The following ABR variants were observed in gnomAD, a reference collection of about 807,000 sequenced individuals.
The protein encoded by ABR is ABR activator of RhoGEF and GTPase, also known as active breakpoint cluster region-related protein.
A neutral mutation model predicts 107.2 loss-of-function variants in ABR; 35 were observed. The observed-to-expected ratio is 0.33, with a 90% CI of 0.25 to 0.43. The LOEUF (loss-of-function observed/expected upper bound fraction) is 0.43. Ranked by LOEUF, ABR falls within the 20% of genes least tolerant of loss-of-function variation. The pLI is 1.00. For synonymous variants in ABR, 498 were observed against 462.0 expected, an observed-to-expected ratio of 1.08 and a Z score of -1.00; for missense variants, 815 against 1,115.2, an observed-to-expected ratio of 0.73 and a Z score of 3.83.
rs560451749 is a variant in ABR, at chr17:1,156,340, G to A, written c.61+23327C>T. On this transcript the variant is annotated intron_variant, in intron 1 of 22. Coordinates refer to ENST00000302538, the MANE Select transcript of ABR (RefSeq NM_021962.5). ...AGTGAGAAAATAAACCTCTTTTCAT[G>A]TGAAGAAAAAAAAAAGGCCTCTCCT... Among the ~76,000 whole-genome samples the A allele has an allele frequency of 7.2e-5, 11 of 152,070 alleles. No individual in the cohort carries two copies. In the East Asian group the frequency reaches 2.1e-3, roughly 29 times the overall value.
intron 2 of ABR, among the ~76,000 whole-genome samples, chr17:1,109,578 G>T (rs1394382736): frequency 6.6e-6 from 1 of 152,062 alleles, no homozygotes; most frequent in African/African-American, 2.4e-5. Flanking sequence ...CCGCTTCCCA[G>T]ACGCATCTTC....
intron 16 of ABR, among the ~76,000 whole-genome samples, chr17:1,015,420 G>A (rs372076175): frequency 1.7e-3 from 230 of 131,486 alleles, no homozygotes; most frequent in Middle Eastern, 3.9e-3. Context: ...CCTGTCTCAA[G>A]AAAAAAAAAA....
intron 1 of ABR, among the ~76,000 whole-genome samples, chr17:1,203,442 T>C (rs866181365): frequency 0.011 from 247 of 22,646 alleles, 59 homozygotes; most frequent in African/African-American, 0.02. Context: ...GGGGACGGAG[T>C]CTGCGGGGGC....
intron 1 of ABR, among the ~76,000 whole-genome samples, chr17:1,227,684 C>A (rs2043247185): frequency 6.6e-6 from 1 of 152,106 alleles, no homozygotes; most frequent in Non-Finnish European, 1.5e-5. Context: ...ATCTTAAATT[C>A]CTGGTTGCAG....
chr17:1,137,553 G>T (rs1228641350), intron 1 of ABR, among the ~76,000 whole-genome samples: 3 of 152,110 alleles, frequency 2.0e-5, no homozygotes, highest in African/African-American at 7.2e-5. Flanking sequence ...TCCGGTCTGT[G>T]GTGCCCAAAA....
intron 4 of ABR, among the ~76,000 whole-genome samples, chr17:1,087,397 G>T (rs1419302424): frequency 6.6e-6 from 1 of 152,220 alleles, no homozygotes; most frequent in African/African-American, 2.4e-5. Flanking sequence ...GAGGAAGCTG[G>T]TGGGGCAGGG....
intron 6 of ABR, 138 bp downstream of exon 6, chr17:1,079,192 C>T (rs1048510786): frequency 7.4e-6 from 11 of 1,480,084 alleles, no homozygotes; most frequent in African/African-American, 1.4e-5. Context: ...CACACTCACA[C>T]GCGCTCACAC....
intron 16 of ABR, among the ~76,000 whole-genome samples, chr17:1,025,126 A>AAAAAAAAG (rs1436764529): frequency 1.5e-5 from 2 of 137,826 alleles, no homozygotes; most frequent in African/African-American, 5.4e-5. Context: ...TCTCAAAAAA[A>AAAAAAAAG]AAAAAAAAAA....
intron 2 of ABR, among the ~76,000 whole-genome samples, chr17:1,107,763 C>G (rs1005136647): frequency 2.0e-5 from 3 of 152,238 alleles, no homozygotes; most frequent in African/African-American, 7.2e-5. Context: ...TACGCCAGCA[C>G]CAGATCAGAG....
intron 16 of ABR, among the ~76,000 whole-genome samples, chr17:1,048,014 C>T (rs1019927672): frequency 1.3e-4 from 20 of 152,218 alleles, no homozygotes; most frequent in African/African-American, 4.8e-4. Context: ...GGCGACCACT[C>T]GTCTCTTGCC....
Position 1,148,867 on chromosome 17 carries a change from GTGTATTT to G in ABR, c.62-23507_62-23501del, listed in dbSNP as rs1439647258. Among the ~76,000 whole-genome samples, 1 of 152,138 alleles carries G rather than the reference GTGTATTT, an allele frequency of 6.6e-6. No individual in the cohort carries two copies. The highest frequency in any genetic ancestry group is 2.4e-5 in the African/African-American group (1 of 41,412). Reference sequence around the variant, plus strand: ...ACACTGGATGGAAAATTTTAGGCATGTGTATTTTGCCATGATTTTCTTTTGTTTTTTG... The same window carrying G: ...ACACTGGATGGAAAATTTTAGGCATGTGCCATGATTTTCTTTTGTTTTTTG... On this transcript the variant is annotated intron_variant, in intron 1 of 22. Transcript: ENST00000302538. The surrounding 1 kb of genome is among the most constrained non-coding windows in gnomAD (Gnocchi z 4.9).
Position 1,010,745 on chromosome 17 carries a change from G to A in ABR, c.2220C>T (p.Ala740=). ...EPLLTDRLYP[A]FMEGIALSDP... ...GGGCCTCACCGATGCCCTCCATGAA[G>A]GCTGGGTAGAGTCGGTCCGTGAGGA... is the stretch of plus-strand genomic sequence containing the variant. The change falls in exon 20 of 23, where the codon GCC becomes GCT. Residue 740 remains alanine (A), a synonymous_variant. Coordinates refer to ENST00000302538, the MANE Select transcript of ABR (RefSeq NM_021962.5). This position sits in a 1 kb window ranked among gnomAD's most constrained non-coding sequence, Gnocchi z 4.1. 2 of 1,613,734 alleles carry A rather than the reference G, an allele frequency of 1.2e-6. No individual in the cohort carries two copies. The highest frequency in any genetic ancestry group is 1.7e-4 in the Middle Eastern group (1 of 6,042).
intron 16 of ABR, among the ~76,000 whole-genome samples, chr17:1,041,002 C>T (rs936863996): frequency 1.3e-5 from 2 of 152,208 alleles, no homozygotes; most frequent in African/African-American, 4.8e-5. Flanking sequence ...CAACCTCCAC[C>T]TCCTGGGTCC....
In ABR at chr17:1,011,816, A is replaced by G; in HGVS notation, c.2101+30T>C. 1 of 1,551,270 alleles carries G rather than the reference A, an allele frequency of 6.4e-7. No individual in the cohort carries two copies. Among genetic ancestry groups the G allele is most frequent in the Non-Finnish European group, 8.8e-7 (1 of 1,141,950 alleles). On this transcript the variant is annotated intron_variant, in intron 19 of 22. Coordinates refer to ENST00000302538, the MANE Select transcript of ABR (RefSeq NM_021962.5). The surrounding 1 kb of genome is among the most constrained non-coding windows in gnomAD (Gnocchi z 4.8). Reference sequence around the variant, plus strand: ...CACCAGCCTGCTCAGACACAGCCACACCTGCCCCGGCTGGGCCTCCCAGAC... The same window carrying G: ...CACCAGCCTGCTCAGACACAGCCACGCCTGCCCCGGCTGGGCCTCCCAGAC...
upstream of ABR, among the ~76,000 whole-genome samples, chr17:1,189,323 C>T (rs549496376): frequency 3.2e-4 from 49 of 151,558 alleles, no homozygotes; most frequent in African/African-American, 1.2e-3. Flanking sequence ...TGTCATTCCT[C>T]TCTTACTAAG....
intron 16 of ABR, among the ~76,000 whole-genome samples, chr17:1,034,530 G>A (rs764496862): frequency 1.2e-4 from 18 of 152,132 alleles, no homozygotes; most frequent in African/African-American, 2.2e-4. Flanking sequence ...CACGAACATC[G>A]AGAGATACAA....
chr17:1,206,777 A>G (rs112367071), intron 1 of ABR, among the ~76,000 whole-genome samples: 2 of 152,158 alleles, frequency 1.3e-5, no homozygotes, highest in South Asian at 2.1e-4. Flanking sequence ...GTGAAACTCC[A>G]TCTCTACAAA....
intron 14 of ABR, 79 bp downstream of exon 14, chr17:1,055,956 C>A: frequency 7.2e-7 from 1 of 1,383,586 alleles, no homozygotes; most frequent in Non-Finnish European, 1.0e-6. Flanking sequence ...TAAAGGCGTG[C>A]TGGCAGGGCC....
intron 1 of ABR, among the ~76,000 whole-genome samples, chr17:1,137,219 T>C (rs944451972): frequency 6.6e-5 from 10 of 152,040 alleles, no homozygotes; most frequent in African/African-American, 2.4e-4. Context: ...AATTTCTCTA[T>C]TTTTAGTAGC....
Sources: gnomAD v4.1 joint callset for allele counts (sites outside exome capture counted in the v4.1 genomes callset) on GRCh38, gnomAD v4.1.1 for gene constraint, Gnocchi (gnomAD v3.1) non-coding constraint, MANE v1.5 for transcripts, NCBI Gene and HGNC (gene_info 2026-07-23, HGNC 2026-07-21) for gene names.